Variants in FRMD4B observed in about 807,000 individuals in gnomAD.
FRMD4B encodes the protein FERM domain containing 4B.
Under a neutral mutation model 141.5 loss-of-function variants are expected in FRMD4B, and 74 were observed. That is an observed-to-expected ratio of 0.52 (90% confidence interval 0.43 to 0.63). The LOEUF (loss-of-function observed/expected upper bound fraction) is 0.63, where lower values mean the gene tolerates loss of function less well. FRMD4B is among the 30% of genes least tolerant of loss of function. FRMD4B has a pLI of 0.00. For synonymous variants in FRMD4B, 506 were observed against 467.9 expected, an observed-to-expected ratio of 1.08 and a Z score of -1.05; for missense variants, 1,366 against 1,253.4, an observed-to-expected ratio of 1.09 and a Z score of -1.36.
intron 5 of FRMD4B, among the ~76,000 whole-genome samples, chr3:69,270,158 G>A (rs908479080): frequency 6.6e-6 from 1 of 152,160 alleles, no homozygotes; most frequent in Admixed American, 6.5e-5. Flanking sequence ...CAGGACTACA[G>A]GTGCATGTCA....
rs544708757 is a variant in FRMD4B at position 69,345,849 on chromosome 3, G to C, written c.163-32332C>G. ...CCATCTGTACGTCACCATCATCAAA[G>C]ACCAAAGGTAGACAAAACCACAAAG... On this transcript the variant is annotated intron_variant, in intron 1 of 22. Transcript: ENST00000398540. Among the ~76,000 whole-genome samples, 187 of 152,228 alleles carry C rather than the reference G, an allele frequency of 1.2e-3. 1 individual carries two copies. The highest frequency in any genetic ancestry group is 6.2e-3 in the South Asian group (30 of 4,816).
chr3:69,520,168 TG>T (rs1164862037), intron 1 of FRMD4B, among the ~76,000 whole-genome samples: 1 of 120,194 alleles, frequency 8.3e-6, no homozygotes, highest in South Asian at 2.5e-4. Context: ...TATATATATA[TG>T]ATGGAATATA....
At chr3:69,242,153 C>G (rs981550494) in intron 7 of FRMD4B, among the ~76,000 whole-genome samples, 2 of 152,130 alleles carry the variant, frequency 1.3e-5, no homozygotes, top group Admixed American at 6.5e-5. Context: ...TCCAGAGAGG[C>G]TAGGCAAACT....
intron 1 of FRMD4B, among the ~76,000 whole-genome samples, chr3:69,363,064 G>C (rs1703518890): frequency 6.6e-6 from 1 of 151,706 alleles, no homozygotes; most frequent in African/African-American, 2.4e-5. Flanking sequence ...GTATCTCCAG[G>C]TAGGGCAGTG....
At chr3:69,431,887 T>C (rs9831196) in intron 2 of FRMD4B, among the ~76,000 whole-genome samples, 57,938 of 152,136 alleles carry the variant, frequency 0.38, 11,943 homozygotes, top group African/African-American at 0.54. Context: ...GTGCATATTT[T>C]ACATCAATGT....
intron 3 of FRMD4B, chr3:69,310,368 A>T: frequency 2.4e-6 from 1 of 424,564 alleles, no homozygotes; most frequent in African/African-American, 2.1e-5. Context: ...CATTATGAAA[A>T]GAATGCTGGA....
chr3:69,365,092 G>C (rs574676034), intron 1 of FRMD4B, among the ~76,000 whole-genome samples: 18 of 152,304 alleles, frequency 1.2e-4, no homozygotes, highest in African/African-American at 4.3e-4. Context: ...GAGGCTGTGT[G>C]AACATCTATC....
At chr3:69,425,628 T>C (rs567972410) in intron 2 of FRMD4B, among the ~76,000 whole-genome samples, 46 of 152,330 alleles carry the variant, frequency 3.0e-4, no homozygotes, top group African/African-American at 9.6e-4. Flanking sequence ...CTTTAAAAGA[T>C]TAATAGTTCC....
At position 69,221,861 on chromosome 3, in the gene FRMD4B, ACCAC is replaced by A; in HGVS notation, c.724_727del (p.Val242PhefsTer4). On this transcript the variant is annotated frameshift_variant, in exon 9 of 23. Coordinates refer to ENST00000398540, the MANE Select transcript of FRMD4B (RefSeq NM_015123.3). LOFTEE classifies it high-confidence loss of function. ...AAGCAAAAGGAAAGATACTTACTGA[ACCAC>A]AGCTTGACCTCGAGTGAGACCTTTG... 6.6e-7 allele frequency: 1 copy of A among 1,504,148 alleles called. No individual in the cohort carries two copies. The highest frequency in any genetic ancestry group is 9.2e-7 in the Non-Finnish European group (1 of 1,085,492). 93.2% of individuals were successfully genotyped at this position (1,504,148 alleles called of 1,614,324 possible).
intron 1 of FRMD4B, among the ~76,000 whole-genome samples, chr3:69,466,163 G>T (rs1705783592): frequency 6.6e-6 from 1 of 151,960 alleles, no homozygotes; most frequent in Non-Finnish European, 1.5e-5. Flanking sequence ...ATTCTTTCAT[G>T]TGTCTGTTGG....
intron 7 of FRMD4B, among the ~76,000 whole-genome samples, chr3:69,242,408 T>G (rs1306117409): frequency 6.6e-6 from 1 of 151,686 alleles, no homozygotes; most frequent in Non-Finnish European, 1.5e-5. Context: ...TTGAAAGTGT[T>G]TTTATCCTCC....
At chr3:69,311,491 G>A (rs1701585743) in intron 2 of FRMD4B, 134 bp from the exon 3 acceptor site, 4 of 590,660 alleles carry the variant, frequency 6.8e-6, no homozygotes, top group Non-Finnish European at 1.2e-5. Flanking sequence ...CTTGTTTGTG[G>A]ATTAGGTTGA....
intron 9 of FRMD4B, 141 bp from the exon 10 acceptor site, chr3:69,218,520 T>C: frequency 1.8e-6 from 1 of 556,348 alleles, no homozygotes; most frequent in Non-Finnish European, 3.2e-6. Flanking sequence ...AGAAACAGAA[T>C]AAACCATTTT....
intron 5 of FRMD4B, among the ~76,000 whole-genome samples, chr3:69,266,034 A>C (rs1001876963): frequency 7.1e-5 from 6 of 84,996 alleles, no homozygotes; most frequent in Admixed American, 6.1e-4. Flanking sequence ...CTCTTGCTAC[A>C]AAAAAAAAAA....
chr3:69,181,998 G>T (rs1431143114), intron 20 of FRMD4B, among the ~76,000 whole-genome samples: 1 of 151,938 alleles, frequency 6.6e-6, no homozygotes, highest in Non-Finnish European at 1.5e-5. Flanking sequence ...TGCACAGTTT[G>T]CATCACAGCC....
At chr3:69,313,825 T>A (rs1701692448) in intron 1 of FRMD4B, among the ~76,000 whole-genome samples, 1 of 152,130 alleles carries the variant, frequency 6.6e-6, no homozygotes, top group African/African-American at 2.4e-5. Flanking sequence ...CTACTATATT[T>A]TTCCTGGAAT....
At chr3:69,542,051 T>C (rs1425013810) in intron 1 of FRMD4B, among the ~76,000 whole-genome samples, 1 of 151,478 alleles carries the variant, frequency 6.6e-6, no homozygotes, top group Non-Finnish European at 1.5e-5. Context: ...CAGGGCGGGG[T>C]TTTCCGCTCT....
At chr3:69,445,967 G>A (rs1487711426) in intron 1 of FRMD4B, among the ~76,000 whole-genome samples, 1 of 151,954 alleles carries the variant, frequency 6.6e-6, no homozygotes, top group Non-Finnish European at 1.5e-5. Context: ...TCGTAGCCTG[G>A]GACAATGCAC....
intron 1 of FRMD4B, among the ~76,000 whole-genome samples, chr3:69,447,852 T>A (rs1410253036): frequency 5.3e-5 from 8 of 152,338 alleles, no homozygotes; most frequent in Non-Finnish European, 1.0e-4. Flanking sequence ...TTGAGATTCA[T>A]CCATGTTATA....
Sources: gnomAD v4.1 joint callset for allele counts (sites outside exome capture counted in the v4.1 genomes callset) on GRCh38, gnomAD v4.1.1 for gene constraint, MANE v1.5 for transcripts, NCBI Gene and HGNC (gene_info 2026-07-23, HGNC 2026-07-21) for gene names.